SDHAF3: variants seen among roughly 807,000 people sequenced by gnomAD.
The protein encoded by SDHAF3 is succinate dehydrogenase assembly factor 3, mitochondrial.
In SDHAF3, 18 loss-of-function variants were observed where a neutral mutation model predicts 11.5. The observed-to-expected ratio is 1.56, with a 90% CI of 1.08 to 2.32. The LOEUF is 2.32. Ranked by LOEUF, SDHAF3 falls within the 30% of genes most tolerant of loss-of-function variation. SDHAF3 has a pLI of 0.00. For missense variants in SDHAF3, 200 were observed against 154.4 expected (o/e 1.30, Z -1.57); for synonymous variants, 72 against 59.3 (o/e 1.21, Z -0.99).
chr7:97,146,394 T>A (rs1789135594), intron 1 of SDHAF3, among the ~76,000 whole-genome samples: 1 of 152,236 alleles, frequency 6.6e-6, no homozygotes, highest in Non-Finnish European at 1.5e-5. Flanking sequence ...ATGAAACAGT[T>A]CTTTATAACT....
intron 1 of SDHAF3, among the ~76,000 whole-genome samples, chr7:97,166,453 A>C (rs1241893525): frequency 6.6e-6 from 1 of 152,078 alleles, no homozygotes; most frequent in Non-Finnish European, 1.5e-5. Flanking sequence ...TGAAATCAAT[A>C]AAAGGGAGTG....
intron 1 of SDHAF3, among the ~76,000 whole-genome samples, chr7:97,140,343 A>AT (rs67929691): frequency 0.53 from 59,743 of 112,212 alleles, 17,504 homozygotes; most frequent in East Asian, 0.8. Context: ...TTTTGGTAGT[A>AT]TTTTTTTTTT....
At chr7:97,172,433 T>C (rs1055664989) in intron 1 of SDHAF3, among the ~76,000 whole-genome samples, 2 of 152,166 alleles carry the variant, frequency 1.3e-5, no homozygotes, top group Non-Finnish European at 2.9e-5. Context: ...TCCATTGTTT[T>C]CTTGGTTCTT....
At chr7:97,167,895 T>C (rs1789537574) in intron 1 of SDHAF3, among the ~76,000 whole-genome samples, 1 of 152,154 alleles carries the variant, frequency 6.6e-6, no homozygotes. Flanking sequence ...GAATCTCTGA[T>C]CCATCCACAA....
intron 1 of SDHAF3, among the ~76,000 whole-genome samples, chr7:97,155,400 A>C (rs1789287010): frequency 6.6e-6 from 1 of 152,008 alleles, no homozygotes; most frequent in African/African-American, 2.4e-5. Context: ...TTGTTTCTTG[A>C]ACACCTTCCT....
intron 1 of SDHAF3, among the ~76,000 whole-genome samples, chr7:97,121,297 T>C (rs1216406713): frequency 1.3e-5 from 2 of 152,208 alleles, no homozygotes; most frequent in Non-Finnish European, 2.9e-5. Flanking sequence ...AGAATAAGCA[T>C]TGAAGATTAA....
At chr7:97,172,032 T>TA (rs1278236363) in intron 1 of SDHAF3, among the ~76,000 whole-genome samples, 1 of 152,078 alleles carries the variant, frequency 6.6e-6, no homozygotes, top group Non-Finnish European at 1.5e-5. Context: ...CCCTTTCATT[T>TA]AGTTACTTAA....
chr7:97,135,889 G>A (rs1017425230), intron 1 of SDHAF3, among the ~76,000 whole-genome samples: 71 of 150,934 alleles, frequency 4.7e-4, no homozygotes, highest in Admixed American at 9.3e-4. Flanking sequence ...GGGTTTCACC[G>A]TGTTAGCCAG....
intron 1 of SDHAF3, among the ~76,000 whole-genome samples, chr7:97,170,890 G>A (rs1351885796): frequency 6.6e-6 from 1 of 152,144 alleles, no homozygotes; most frequent in Non-Finnish European, 1.5e-5. Flanking sequence ...ACAAGTGTTT[G>A]TGGGCTAAGA....
At chr7:97,168,059 T>A (rs1401055374) in intron 1 of SDHAF3, among the ~76,000 whole-genome samples, 1 of 152,196 alleles carries the variant, frequency 6.6e-6, no homozygotes, top group African/African-American at 2.4e-5. Flanking sequence ...GAGCCTGGTC[T>A]CTTCAGCTTA....
intron 1 of SDHAF3, among the ~76,000 whole-genome samples, chr7:97,156,936 A>G (rs1327015702): frequency 6.6e-6 from 1 of 152,076 alleles, no homozygotes; most frequent in Non-Finnish European, 1.5e-5. Flanking sequence ...CTCGTCATTT[A>G]CATTAGGTAT....
chr7:97,133,076 GAT>G (rs1446699914), intron 1 of SDHAF3, among the ~76,000 whole-genome samples: 1 of 152,108 alleles, frequency 6.6e-6, no homozygotes, highest in African/African-American at 2.4e-5. Flanking sequence ...AACCTTTTCA[GAT>G]ATGTCTCAGA....
chr7:97,147,475 A>C (rs1013056203), intron 1 of SDHAF3, among the ~76,000 whole-genome samples: 1 of 152,214 alleles, frequency 6.6e-6, no homozygotes, highest in African/African-American at 2.4e-5. Context: ...TGCAACCAAA[A>C]TCTAGGGAAC....
At chr7:97,136,577 G>T (rs1791773757) in intron 1 of SDHAF3, 3 of 525,118 alleles carry the variant, frequency 5.7e-6, no homozygotes, top group Non-Finnish European at 1.0e-5. Flanking sequence ...ATGTAAGATT[G>T]AACTATGTAC....
chr7:97,161,593 A>G (rs916529978), intron 1 of SDHAF3, among the ~76,000 whole-genome samples: 4 of 150,730 alleles, frequency 2.7e-5, no homozygotes, highest in Admixed American at 2.0e-4. Context: ...AGCCCCCCTC[A>G]CCCTCTGACA....
chr7:97,147,851 A>C, intron 1 of SDHAF3, among the ~76,000 whole-genome samples: 1 of 152,326 alleles, frequency 6.6e-6, no homozygotes, highest in South Asian at 2.1e-4. Flanking sequence ...CTCCACCAAA[A>C]TGTGTTATCA....
At chr7:97,166,267 A>C (rs969794752) in intron 1 of SDHAF3, among the ~76,000 whole-genome samples, 4 of 152,210 alleles carry the variant, frequency 2.6e-5, no homozygotes, top group African/African-American at 9.7e-5. Context: ...GTGGTTGGGC[A>C]ACAGCTTGCT....
chr7:97,123,619 A>T (rs1388989390), intron 1 of SDHAF3, among the ~76,000 whole-genome samples: 2 of 152,176 alleles, frequency 1.3e-5, no homozygotes, highest in Non-Finnish European at 2.9e-5. Context: ...CCAACAGTGT[A>T]AAAGTGTTCC....
chr7:97,157,000 T>C (rs888863337), intron 1 of SDHAF3, among the ~76,000 whole-genome samples: 2 of 150,962 alleles, frequency 1.3e-5, no homozygotes, highest in African/African-American at 4.9e-5. Flanking sequence ...GGCCCCTCCC[T>C]GTGTCCATGT....
Sources: gnomAD v4.1 joint callset for allele counts (sites outside exome capture counted in the v4.1 genomes callset) on GRCh38, gnomAD v4.1.1 for gene constraint, MANE v1.5 for transcripts, NCBI Gene and HGNC (gene_info 2026-07-23, HGNC 2026-07-21) for gene names.